Variants in PCAT7 observed in about 807,000 individuals in gnomAD.
The protein encoded by PCAT7 is prostate cancer associated transcript 7.
chr9:94,567,136 CAT>C, intron 2 of PCAT7: 2 of 818,096 alleles, frequency 2.4e-6, no homozygotes, highest in Non-Finnish European at 2.0e-6. Context: ...AGGCAGAGTC[CAT>C]CATCTTCATA....
At chr9:94,567,667 C>G in intron 2 of PCAT7, 1 of 417,300 alleles carries the variant, frequency 2.4e-6, no homozygotes, top group Non-Finnish European at 4.3e-6. Flanking sequence ...AGTCTTCTTT[C>G]TTTTCCTGTG....
At chr9:94,564,754 C>A (rs151044093) in intron 2 of PCAT7, among the ~76,000 whole-genome samples, 1 of 152,160 alleles carries the variant, frequency 6.6e-6, no homozygotes, top group South Asian at 2.1e-4. Context: ...TACAGCAAAC[C>A]CCCATGACAG....
chr9:94,563,751 C>G (rs763792686), intron 2 of PCAT7, among the ~76,000 whole-genome samples: 1 of 152,082 alleles, frequency 6.6e-6, no homozygotes, highest in African/African-American at 2.4e-5. Context: ...AAGGAAGTCA[C>G]CCATCCCACA....
chr9:94,564,637 A>C (rs1827159477), intron 2 of PCAT7, among the ~76,000 whole-genome samples: 1 of 152,172 alleles, frequency 6.6e-6, no homozygotes, highest in African/African-American at 2.4e-5. Context: ...AAAGAGGGAA[A>C]CAACAGACAC....
chr9:94,567,465 G>A (rs750644253), intron 2 of PCAT7: 151 of 1,596,322 alleles, frequency 9.5e-5, no homozygotes, highest in Middle Eastern at 5.0e-4. Context: ...CAAGCCAACC[G>A]CACAATCCCC....
At chr9:94,561,631 C>G (rs1226774142) in intron 2 of PCAT7, among the ~76,000 whole-genome samples, 4 of 152,086 alleles carry the variant, frequency 2.6e-5, no homozygotes, top group Non-Finnish European at 4.4e-5. Flanking sequence ...TCCCAAAGTA[C>G]TAGGATTACA....
At chr9:94,557,195 C>G (rs564313642) in intron 1 of PCAT7, among the ~76,000 whole-genome samples, 1 of 152,078 alleles carries the variant, frequency 6.6e-6, no homozygotes, top group African/African-American at 2.4e-5. Flanking sequence ...ATTCCAGATT[C>G]TTTTGTCTAT....
At chr9:94,563,568 C>T (rs1827141785) in intron 2 of PCAT7, 8 of 1,204,280 alleles carry the variant, frequency 6.6e-6, no homozygotes, top group Non-Finnish European at 9.5e-6. Context: ...TCTTGAATCC[C>T]TATCCTCCAC....
At chr9:94,564,607 T>C (rs12344649) in intron 2 of PCAT7, among the ~76,000 whole-genome samples, 6,402 of 152,052 alleles carry the variant, frequency 0.042, 446 homozygotes, top group African/African-American at 0.15. Flanking sequence ...AGGAGCTAAA[T>C]GATGAGAACA....
At chr9:94,567,248 C>T in intron 2 of PCAT7, 1 of 1,613,670 alleles carries the variant, frequency 6.2e-7, no homozygotes, top group Non-Finnish European at 8.5e-7. Context: ...TGTCTGCCAC[C>T]CACCTGGCTT....
intron 1 of PCAT7, among the ~76,000 whole-genome samples, chr9:94,555,676 G>A (rs573212311): frequency 4.6e-5 from 7 of 151,500 alleles, no homozygotes; most frequent in Non-Finnish European, 1.0e-4. Flanking sequence ...AAAGAAGATA[G>A]CAAGTGGGAG....
chr9:94,572,283 T>G (rs1415610692), intron 2 of PCAT7, among the ~76,000 whole-genome samples: 4 of 152,104 alleles, frequency 2.6e-5, no homozygotes, highest in Non-Finnish European at 5.9e-5. Flanking sequence ...ATGGGGACTC[T>G]TAGCTGCTAC....
chr9:94,571,284 G>C (rs1827265882), intron 2 of PCAT7, among the ~76,000 whole-genome samples: 1 of 152,168 alleles, frequency 6.6e-6, no homozygotes, highest in Non-Finnish European at 1.5e-5. Flanking sequence ...CCCTCACTGG[G>C]ACAGAGGCCC....
At chr9:94,563,810 T>A (rs531473199) in intron 2 of PCAT7, among the ~76,000 whole-genome samples, 1 of 152,016 alleles carries the variant, frequency 6.6e-6, no homozygotes, top group East Asian at 1.9e-4. Context: ...GCCAAACATA[T>A]AGAAAGCAGA....
chr9:94,558,515 G>C (rs185687576), intron 1 of PCAT7, among the ~76,000 whole-genome samples: 3 of 152,174 alleles, frequency 2.0e-5, no homozygotes, highest in Admixed American at 6.5e-5. Context: ...GGATGGTCTC[G>C]ATCTCCTGAC....
intron 2 of PCAT7, among the ~76,000 whole-genome samples, chr9:94,559,367 T>C (rs1212266461): frequency 6.6e-6 from 1 of 152,246 alleles, no homozygotes; most frequent in African/African-American, 2.4e-5. Flanking sequence ...CTGAGCCATG[T>C]ATCTACCCAT....
intron 2 of PCAT7, chr9:94,563,331 G>A (rs756412826): frequency 1.9e-6 from 3 of 1,613,384 alleles, no homozygotes; most frequent in South Asian, 1.1e-5. Context: ...CAGTGGACAA[G>A]GGAGAATTAC....
intron 2 of PCAT7, among the ~76,000 whole-genome samples, chr9:94,567,023 T>C (rs1392815975): frequency 2.0e-5 from 3 of 152,206 alleles, no homozygotes; most frequent in African/African-American, 7.2e-5. Flanking sequence ...GATCTCTGCC[T>C]TCTTTATAAA....
chr9:94,556,644 C>T (rs1424226491), intron 1 of PCAT7, among the ~76,000 whole-genome samples: 1 of 152,164 alleles, frequency 6.6e-6, no homozygotes, highest in African/African-American at 2.4e-5. Flanking sequence ...TCTCTGGGTT[C>T]TGTCTTCATT....
Sources: gnomAD v4.1 joint callset for allele counts (sites outside exome capture counted in the v4.1 genomes callset) on GRCh38, gnomAD v4.1.1 for gene constraint, MANE v1.5 for transcripts, NCBI Gene and HGNC (gene_info 2026-07-23, HGNC 2026-07-21) for gene names.